Variants in SVIL observed in about 807,000 individuals in gnomAD.
SVIL encodes the protein supervillin.
A neutral mutation model predicts 240.4 loss-of-function variants in SVIL; 101 were observed. That is an observed-to-expected ratio of 0.42 (90% CI 0.36 to 0.50). The LOEUF (loss-of-function observed/expected upper bound fraction) is 0.50, where lower values mean the gene tolerates loss of function less well. SVIL is among the 20% of genes least tolerant of loss of function. SVIL has a pLI of 0.01. For synonymous variants in SVIL, 999 were observed against 1,100.0 expected (o/e 0.91, Z 1.82); for missense variants, 2,512 against 2,818.7 (o/e 0.89, Z 2.46).
chr10:29,605,576 A>C (rs1257751089), intron 1 of SVIL, among the ~76,000 whole-genome samples: 1 of 151,002 alleles, frequency 6.6e-6, no homozygotes, highest in Non-Finnish European at 1.5e-5. Context: ...ACTTTTTAAA[A>C]GGATTTCCAG....
intron 1 of SVIL, among the ~76,000 whole-genome samples, chr10:29,733,062 A>C (rs1964709909): frequency 6.6e-6 from 1 of 152,118 alleles, no homozygotes; most frequent in Admixed American, 6.5e-5. Flanking sequence ...CCTAGCCCCA[A>C]CTTGCTGAGA....
chr10:29,727,109 ACTT>A (rs1964336090), intron 1 of SVIL, among the ~76,000 whole-genome samples: 1 of 152,222 alleles, frequency 6.6e-6, no homozygotes, highest in Non-Finnish European at 1.5e-5. Context: ...GATTACTTTT[ACTT>A]CTTGTTTCTA....
intron 16 of SVIL, among the ~76,000 whole-genome samples, chr10:29,514,309 T>A (rs1442260211): frequency 1.3e-5 from 2 of 152,218 alleles, no homozygotes; most frequent in African/African-American, 2.4e-5. Context: ...CAATCACGGT[T>A]CACTGCAGCC....
intron 11 of SVIL, among the ~76,000 whole-genome samples, chr10:29,530,088 C>T (rs41304591): frequency 0.01 from 1,532 of 152,206 alleles, 16 homozygotes; most frequent in Non-Finnish European, 0.014. Context: ...GTGGGAACAT[C>T]ACTTGAGCCT....
intron 3 of SVIL, among the ~76,000 whole-genome samples, chr10:29,557,972 C>G (rs190227246): frequency 1.2e-3 from 176 of 152,294 alleles, no homozygotes; most frequent in Middle Eastern, 6.8e-3. Context: ...GTCCCAGGTT[C>G]TTATAGTGAT....
intron 1 of SVIL, among the ~76,000 whole-genome samples, chr10:29,733,832 T>C (rs1183103565): frequency 6.6e-6 from 1 of 152,214 alleles, no homozygotes; most frequent in African/African-American, 2.4e-5. Context: ...ACATTTTAAG[T>C]ACATTCAGGA....
In SVIL at chr10:29,509,324, GGGGAGGGAGAGA is replaced by G. The variant is rs1474586051; in HGVS notation, c.3516+3399_3516+3410del. Among the ~76,000 whole-genome samples, 149 of 79,808 alleles carry G rather than the reference GGGGAGGGAGAGA, an allele frequency of 1.9e-3. 2 individuals carry two copies. The highest frequency in any genetic ancestry group is 7.9e-3 in the Middle Eastern group (1 of 126). 52.4% of individuals were successfully genotyped at this position (79,808 alleles called of 152,430 possible). On this transcript the variant is annotated intron_variant, in intron 17 of 37. Coordinates refer to ENST00000355867, the MANE Select transcript of SVIL (RefSeq NM_021738.3). ...GGGGGAGAGAGAAAGGGAGAAGGAG[GGGGAGGGAGAGA>G]GAGAGAGAGAGAGAGAGAGAGAGAG...
intron 17 of SVIL, among the ~76,000 whole-genome samples, chr10:29,502,358 T>C (rs575730918): frequency 1.3e-5 from 2 of 152,306 alleles, no homozygotes; most frequent in Admixed American, 1.3e-4. Flanking sequence ...AAAGAAGATA[T>C]ATATATTTGT....
intron 16 of SVIL, among the ~76,000 whole-genome samples, chr10:29,514,522 G>C (rs1385403706): frequency 6.6e-6 from 1 of 152,150 alleles, no homozygotes; most frequent in Non-Finnish European, 1.5e-5. Context: ...GACTACACTT[G>C]TGCACCACTA....
At chr10:29,542,604 C>A (rs1442776000) in intron 6 of SVIL, among the ~76,000 whole-genome samples, 1 of 152,042 alleles carries the variant, frequency 6.6e-6, no homozygotes, top group Non-Finnish European at 1.5e-5. Context: ...TACAGGCATG[C>A]AATGCGTAAT....
Position 29,522,444 on chromosome 10 carries a change from CAAG to C in SVIL, c.3352_3354del (p.Leu1118del). 1 of 1,614,156 alleles carries C rather than the reference CAAG, an allele frequency of 6.2e-7. No homozygotes were observed. The highest frequency in any genetic ancestry group is 8.5e-7 in the Non-Finnish European group (1 of 1,180,038). On this transcript the variant is annotated inframe_deletion, in exon 16 of 38. Transcript: ENST00000355867. The stretch of plus-strand genomic sequence containing the variant: ...ATAGACATGGTTTTGCTGGGTGAGT[CAAG>C]AAGGCCCTCCCCTGTCGGCGTTTTG...
intron 1 of SVIL, among the ~76,000 whole-genome samples, chr10:29,721,039 G>T (rs954982342): frequency 2.0e-5 from 3 of 152,050 alleles, no homozygotes; most frequent in Admixed American, 6.6e-5. Flanking sequence ...AAGAGATGGG[G>T]TTTTTGCCAT....
intron 1 of SVIL, among the ~76,000 whole-genome samples, chr10:29,577,646 C>T (rs145456412): frequency 1.1e-4 from 17 of 152,130 alleles, no homozygotes; most frequent in African/African-American, 3.9e-4. Flanking sequence ...TATAAATATG[C>T]GGGTGCATGT....
intron 5 of SVIL, among the ~76,000 whole-genome samples, chr10:29,552,046 C>A (rs1953395310): frequency 6.6e-6 from 1 of 151,448 alleles, no homozygotes; most frequent in African/African-American, 2.4e-5. Flanking sequence ...CCCAGGAGTT[C>A]AAGGCTGCAG....
At chr10:29,584,565 C>T (rs1408178296) in intron 1 of SVIL, among the ~76,000 whole-genome samples, 2 of 152,208 alleles carry the variant, frequency 1.3e-5, no homozygotes, top group East Asian at 3.8e-4. Flanking sequence ...GGTTCTCCCA[C>T]TCAGCCCGCT....
In SVIL at chr10:29,458,313, C is replaced by T. The variant is rs1564436896; in HGVS notation, c.6579G>A (p.Arg2193=). 3.1e-6 allele frequency: 5 copies of T among 1,614,138 alleles called. No individual in the cohort carries two copies. In the East Asian group the frequency reaches 8.9e-5, roughly 29 times the overall value. The change falls in exon 38 of 38, where the codon AGG becomes AGA. Residue 2193 remains arginine (R), a synonymous_variant. Transcript: ENST00000355867. ...EDFEFALDMT[R]DEYNALPAWK... ...AGGCGGGCAGGGCGTTGTATTCATC[C>T]CTCGTCATGTCTAGTGCAAACTGGA...
intron 12 of SVIL, among the ~76,000 whole-genome samples, chr10:29,528,730 C>T (rs1156595271): frequency 6.6e-6 from 1 of 151,962 alleles, no homozygotes; most frequent in African/African-American, 2.4e-5. Flanking sequence ...GAGTGAGACA[C>T]TGCCTCAAAA....
chr10:29,714,012 G>A (rs1324755420), intron 1 of SVIL, among the ~76,000 whole-genome samples: 3 of 152,140 alleles, frequency 2.0e-5, no homozygotes, highest in African/African-American at 7.2e-5. Context: ...ATATCTCAAG[G>A]GCCACTAGTG....
rs114118494 is a variant in SVIL, at chr10:29,540,151, T to A, written c.828-4082A>T. Reference sequence around the variant, plus strand: ...TTTGAAATGTAAGGCAGATGAGTCATTCCTCTTGTTCAAACCCTCCTAGGG... The same window carrying A: ...TTTGAAATGTAAGGCAGATGAGTCAATCCTCTTGTTCAAACCCTCCTAGGG... On this transcript the variant is annotated intron_variant, in intron 6 of 37. Coordinates refer to ENST00000355867, the MANE Select transcript of SVIL (RefSeq NM_021738.3). Among the ~76,000 whole-genome samples, 1,151 of 152,256 alleles carry A rather than the reference T, an allele frequency of 7.6e-3. 17 individuals carry two copies. Among genetic ancestry groups the A allele is most frequent in the African/African-American group, 0.026 (1,092 of 41,532 alleles).
Sources: allele counts gnomAD v4.1 joint callset (sites outside exome capture counted in the v4.1 genomes callset), GRCh38; gene constraint gnomAD v4.1.1; transcripts MANE v1.5; gene names NCBI Gene and HGNC (gene_info 2026-07-23, HGNC 2026-07-21).